The following CLVS1 variants were observed in gnomAD, a reference collection of about 807,000 sequenced individuals.
The protein encoded by CLVS1 is clavesin-1.
In CLVS1, 10 loss-of-function variants were observed where a neutral mutation model predicts 33.1. That is an observed-to-expected ratio of 0.30 (90% CI 0.19 to 0.51). CLVS1 has a LOEUF of 0.51. Ranked by LOEUF, CLVS1 falls within the 20% of genes least tolerant of loss-of-function variation. CLVS1 has a pLI of 0.97. For missense variants in CLVS1, 343 were observed against 433.4 expected (o/e 0.79, Z 1.85); for synonymous variants, 163 against 166.1 (o/e 0.98, Z 0.14).
intron 2 of CLVS1, among the ~76,000 whole-genome samples, chr8:61,308,853 GC>G (rs1487903513): frequency 2.0e-5 from 3 of 152,134 alleles, no homozygotes; most frequent in Non-Finnish European, 4.4e-5. Context: ...TAGTCTGTCT[GC>G]ACATAAGGAC....
chr8:61,409,710 A>C (rs2129603964), intron 3 of CLVS1, among the ~76,000 whole-genome samples: 1 of 152,344 alleles, frequency 6.6e-6, no homozygotes, highest in Admixed American at 6.5e-5. Flanking sequence ...CAATTTGGGT[A>C]AGTCCATGGT....
chr8:61,473,353 A>G (rs1434236752), intron 5 of CLVS1, among the ~76,000 whole-genome samples: 1 of 151,478 alleles, frequency 6.6e-6, no homozygotes, highest in Non-Finnish European at 1.5e-5. Flanking sequence ...AAAAAAAAAA[A>G]AAAAAAAAAA....
the CLVS1 span, among the ~76,000 whole-genome samples, chr8:61,013,080 C>T: frequency 2.6e-5 from 4 of 152,168 alleles, no homozygotes; most frequent in Non-Finnish European, 5.9e-5. Flanking sequence ...TCAGGACATC[C>T]CAGGCAGGGA....
At chr8:61,379,534 G>C (rs1813781691) in intron 3 of CLVS1, among the ~76,000 whole-genome samples, 1 of 152,122 alleles carries the variant, frequency 6.6e-6, no homozygotes. Flanking sequence ...CATGGTTCCA[G>C]AACCTGGAGC....
chr8:61,447,416 A>AT (rs1046896974), intron 3 of CLVS1, among the ~76,000 whole-genome samples: 5 of 150,004 alleles, frequency 3.3e-5, no homozygotes, highest in Admixed American at 1.3e-4. Context: ...TGCCATTCTA[A>AT]TTTTTTTTTC....
chr8:61,006,886 T>C, the CLVS1 span, among the ~76,000 whole-genome samples: 2 of 152,200 alleles, frequency 1.3e-5, no homozygotes, highest in Non-Finnish European at 2.9e-5. Flanking sequence ...CTGTAAAGGA[T>C]TCAAAATATG....
At chr8:61,136,941 C>T (rs1430927468) in intron 2 of CLVS1, among the ~76,000 whole-genome samples, 2 of 152,120 alleles carry the variant, frequency 1.3e-5, no homozygotes, top group African/African-American at 4.8e-5. Flanking sequence ...CTGTATAATC[C>T]CACTGGCTCC....
intron 5 of CLVS1, among the ~76,000 whole-genome samples, chr8:61,486,798 C>T (rs535350701): frequency 5.0e-4 from 76 of 152,294 alleles, no homozygotes; most frequent in Admixed American, 5.9e-4. Flanking sequence ...TTTGCACTTA[C>T]CCTTTCCAAA....
chr8:61,225,852 A>G (rs1230420572), intron 2 of CLVS1, among the ~76,000 whole-genome samples: 2 of 152,226 alleles, frequency 1.3e-5, no homozygotes, highest in African/African-American at 4.8e-5. Context: ...GTTTATTGGC[A>G]ACTCCTGTGC....
At chr8:60,972,436 A>G in the CLVS1 span, among the ~76,000 whole-genome samples, 18 of 152,232 alleles carry the variant, frequency 1.2e-4, no homozygotes, top group Non-Finnish European at 2.6e-4. Context: ...TATTAATTTT[A>G]AAACTCATGA....
chr8:61,108,656 AT>A (rs1277622665), intron 1 of CLVS1, among the ~76,000 whole-genome samples: 1 of 152,222 alleles, frequency 6.6e-6, no homozygotes, highest in African/African-American at 2.4e-5. Flanking sequence ...ATGAATACTA[AT>A]CCAAGGGTTG....
the CLVS1 span, chr8:60,967,867 C>T: frequency 8.7e-6 from 3 of 343,254 alleles, no homozygotes; most frequent in Non-Finnish European, 1.7e-5. Context: ...TTTAAAGTGA[C>T]AATCCTACAT....
At chr8:61,497,940 T>C (rs900464273) in intron 5 of CLVS1, among the ~76,000 whole-genome samples, 1 of 152,178 alleles carries the variant, frequency 6.6e-6, no homozygotes, top group Non-Finnish European at 1.5e-5. Flanking sequence ...GCAGTGAAGA[T>C]GGCTGGAAAT....
At chr8:61,044,539 G>C in the CLVS1 span, among the ~76,000 whole-genome samples, 5 of 152,132 alleles carry the variant, frequency 3.3e-5, no homozygotes, top group African/African-American at 1.2e-4. Context: ...CTACTACTTT[G>C]CACTGATGTC....
At chr8:61,292,174 T>C (rs759019315) in intron 1 of CLVS1, 13 of 324,492 alleles carry the variant, frequency 4.0e-5, no homozygotes, top group Non-Finnish European at 7.5e-5. Context: ...ATAAGACCCA[T>C]TCTAAAATGA....
rs190353281 is a variant in CLVS1, at chr8:61,082,780, C to G, written c.-243+25550C>G. Among the ~76,000 whole-genome samples, 288 of 152,218 alleles carry G rather than the reference C, an allele frequency of 1.9e-3. 3 individuals are homozygous for G. The highest frequency in any genetic ancestry group is 2.4e-3 in the Non-Finnish European group (164 of 67,998). The stretch of plus-strand genomic sequence containing the variant: ...AAGGGATAGGCCAGGTGCAGTTGCT[C>G]ATGCCTGTAATCCCAGCACTTTGGG... On this transcript the variant is annotated intron_variant, in intron 1 of 2. Transcript: ENST00000522621.
chr8:61,037,198 A>T, the CLVS1 span, among the ~76,000 whole-genome samples: 4 of 152,216 alleles, frequency 2.6e-5, no homozygotes, highest in Non-Finnish European at 5.9e-5. Context: ...TTAAGTGTTC[A>T]GCTCAGCTCA....
intron 3 of CLVS1, among the ~76,000 whole-genome samples, chr8:61,440,558 A>T (rs1816501410): frequency 6.6e-6 from 1 of 152,196 alleles, no homozygotes; most frequent in South Asian, 2.1e-4. Flanking sequence ...ATCTTATTTG[A>T]ATTGTTGAAT....
chr8:61,473,550 C>A (rs977210521), intron 5 of CLVS1, among the ~76,000 whole-genome samples: 2 of 152,058 alleles, frequency 1.3e-5, no homozygotes, highest in African/African-American at 4.8e-5. Context: ...AATTTTCACT[C>A]TGTTGTGAGG....
Sources: gnomAD v4.1 joint callset for allele counts (sites outside exome capture counted in the v4.1 genomes callset) on GRCh38, gnomAD v4.1.1 for gene constraint, MANE v1.5 for transcripts, NCBI Gene and HGNC (gene_info 2026-07-23, HGNC 2026-07-21) for gene names.